Variants in APOH observed in about 807,000 individuals in gnomAD.
The protein encoded by APOH is beta-2-glycoprotein 1.
Under a neutral mutation model 39.8 loss-of-function variants are expected in APOH, and 48 were observed. The observed-to-expected ratio is 1.21, with a 90% CI of 0.96 to 1.54. APOH has a LOEUF of 1.54. APOH is among the 40% of genes most tolerant of loss of function. The pLI is 0.00. For synonymous variants in APOH, 153 were observed against 151.1 expected, an observed-to-expected ratio of 1.01 and a Z score of -0.09; for missense variants, 415 against 421.2, an observed-to-expected ratio of 0.99 and a Z score of 0.13.
At chr17:66,217,985 A>T (rs1443945081) in intron 5 of APOH, among the ~76,000 whole-genome samples, 1 of 152,098 alleles carries the variant, frequency 6.6e-6, no homozygotes, top group African/African-American at 2.4e-5. Context: ...AATACTAAAA[A>T]ATGGTGGATG....
intron 6 of APOH, among the ~76,000 whole-genome samples, chr17:66,216,166 CAA>C (rs35488139): frequency 1.6e-4 from 17 of 108,266 alleles, no homozygotes; most frequent in African/African-American, 2.7e-4. Context: ...GACTCCATCT[CAA>C]AAAAAAAAAA....
chr17:66,217,531 C>T (rs190881143), intron 5 of APOH, among the ~76,000 whole-genome samples: 12 of 152,130 alleles, frequency 7.9e-5, no homozygotes, highest in African/African-American at 7.2e-5. Flanking sequence ...AGCTGCAGTG[C>T]GAGAAAGCAA....
chr17:66,218,440 C>T (rs2073378517), intron 5 of APOH, among the ~76,000 whole-genome samples: 1 of 152,220 alleles, frequency 6.6e-6, no homozygotes, highest in African/African-American at 2.4e-5. Flanking sequence ...TCCTGAGCAG[C>T]TGAGACTACA....
At chr17:66,216,733 G>C (rs1331915304) in intron 6 of APOH, 55 bp downstream of exon 6, 1 of 1,465,216 alleles carries the variant, frequency 6.8e-7, no homozygotes, top group Non-Finnish European at 9.1e-7. Flanking sequence ...GCAAGTAAAG[G>C]TGATCCACTG....
rs1267030670 is a variant in APOH, at chr17:66,223,739, G to A, written c.374C>T (p.Thr125Ile). Residue 125 changes from threonine (T) to isoleucine (I), a missense_variant, in exon 4 of 8, where the codon ACT (threonine) becomes ATT (isoleucine). This residue lies in a region of APOH where 288 missense variants were observed against 284.9 expected (regional missense o/e 1.01). Transcript: ENST00000205948. ...YLNGADSAKC[T>I]EEGKWSPELP... is the part of the protein sequence containing the mutation. The stretch of plus-strand genomic sequence containing the variant: ...CTCCGGGCTCCATTTTCCTTCCTCA[G>A]TGCACTTGGCAGAATCAGCGCCATT... 6 of 1,614,054 alleles carry A rather than the reference G, an allele frequency of 3.7e-6. No individual in the cohort carries two copies. In the East Asian group the frequency reaches 1.1e-4, roughly 30 times the overall value.
chr17:66,223,114 G>A (rs1598552815), intron 4 of APOH, among the ~76,000 whole-genome samples: 1 of 152,290 alleles, frequency 6.6e-6, no homozygotes, highest in African/African-American at 2.4e-5. Context: ...CCCTTTGATG[G>A]GCTGTTGGCT....
chr17:66,214,480 TG>T lies in APOH; in HGVS notation c.954del (p.Thr319LeufsTer24). ...TTGAAGCATTTGGGGACTTCGATAG[TG>T]CCATCTATACACTGAGCATCCTCTG... ...SYTEDAQCID[G>X]TIEVPKCFKE... is the part of the protein sequence containing the mutation. On this transcript the variant is annotated frameshift_variant, in exon 7 of 8. Transcript: ENST00000205948. LOFTEE classifies it high-confidence loss of function. 1 of 1,613,932 alleles carries T rather than the reference TG, an allele frequency of 6.2e-7. No individual in the cohort carries two copies. The highest frequency in any genetic ancestry group is 8.5e-7 in the Non-Finnish European group (1 of 1,179,956).
intron 5 of APOH, among the ~76,000 whole-genome samples, chr17:66,218,784 C>T (rs1194641095): frequency 2.0e-5 from 3 of 151,758 alleles, no homozygotes; most frequent in Non-Finnish European, 2.9e-5. Flanking sequence ...CTGAGGCAGG[C>T]GGATCATTTT....
intron 4 of APOH, among the ~76,000 whole-genome samples, chr17:66,223,489 A>G (rs1236119291): frequency 1.3e-5 from 2 of 152,176 alleles, no homozygotes; most frequent in Non-Finnish European, 2.9e-5. Context: ...GAGAATACAG[A>G]ATGTGTCCGT....
intron 5 of APOH, among the ~76,000 whole-genome samples, chr17:66,218,544 T>C (rs2073379197): frequency 6.6e-6 from 1 of 152,008 alleles, no homozygotes; most frequent in Admixed American, 6.6e-5. Flanking sequence ...CCTGACCCCA[T>C]GATCCACCTG....
At chr17:66,214,373 A>G in intron 7 of APOH, 80 bp downstream of exon 7, 1 of 1,399,538 alleles carries the variant, frequency 7.1e-7, no homozygotes, top group South Asian at 1.2e-5. Context: ...CTGGTTTTTG[A>G]CAATCATTAT....
chr17:66,218,501 G>T (rs924281529), intron 5 of APOH, among the ~76,000 whole-genome samples: 3 of 151,970 alleles, frequency 2.0e-5, no homozygotes, highest in Admixed American at 1.3e-4. Flanking sequence ...TAGAGACGGG[G>T]TTTCACCATA....
rs558401915 is a variant in APOH at position 66,224,242 on chromosome 17, G to A, written c.339-468C>T. Reference sequence around the variant, plus strand: ...TGTAATCCCAGCACTTTGGGAGGCCGAGATGGGCGGATCACTTGAGCCCAA... The same window carrying A: ...TGTAATCCCAGCACTTTGGGAGGCCAAGATGGGCGGATCACTTGAGCCCAA... On this transcript the variant is annotated intron_variant, in intron 3 of 7. Transcript: ENST00000205948. Among the ~76,000 whole-genome samples, 45 of 151,514 alleles carry A rather than the reference G, an allele frequency of 3.0e-4. No homozygotes were observed. In the South Asian group the frequency reaches 6.5e-3, roughly 22 times the overall value.
chr17:66,229,245 A>G, intron 1 of APOH, 71 bp downstream of exon 1: 1 of 1,295,474 alleles, frequency 7.7e-7, no homozygotes, highest in Non-Finnish European at 1.1e-6. Context: ...CCTACTTATC[A>G]TTATTGATCC....
intron 3 of APOH, among the ~76,000 whole-genome samples, chr17:66,224,542 CAAAG>C (rs1298659952): frequency 1.8e-4 from 13 of 72,586 alleles, no homozygotes; most frequent in East Asian, 4.0e-4. Context: ...GAGAGACAGA[CAAAG>C]AAAGAAAGAA....
intron 5 of APOH, among the ~76,000 whole-genome samples, chr17:66,217,404 T>A (rs1019782596): frequency 7.1e-5 from 10 of 140,032 alleles, no homozygotes; most frequent in South Asian, 2.5e-4. Context: ...TAAATCTTAC[T>A]GTTATTCAAT....
intron 5 of APOH, among the ~76,000 whole-genome samples, chr17:66,217,633 G>T (rs2073373706): frequency 6.6e-6 from 1 of 151,958 alleles, no homozygotes; most frequent in East Asian, 1.9e-4. Context: ...GCTCAATTTT[G>T]GTTCTACCAC....
At chr17:66,226,593 A>G (rs551822968) in intron 2 of APOH, among the ~76,000 whole-genome samples, 1 of 148,948 alleles carries the variant, frequency 6.7e-6, no homozygotes, top group South Asian at 2.1e-4. Context: ...GCACCACTGC[A>G]CTGGGCAATA....
intron 5 of APOH, among the ~76,000 whole-genome samples, chr17:66,217,623 G>C (rs982022207): frequency 5.9e-5 from 9 of 151,998 alleles, no homozygotes; most frequent in African/African-American, 2.2e-4. Flanking sequence ...AGACTGCTTG[G>C]CTCAATTTTG....
Sources: gnomAD v4.1 joint callset for allele counts (sites outside exome capture counted in the v4.1 genomes callset) on GRCh38, gnomAD v4.1.1 for gene constraint, gnomAD v4.1.1 regional missense constraint, MANE v1.5 for transcripts, NCBI Gene and HGNC (gene_info 2026-07-23, HGNC 2026-07-21) for gene names.